The following PCDH15 variants were observed in gnomAD, a reference collection of about 807,000 sequenced individuals.
PCDH15 encodes protocadherin-15.
Under a neutral mutation model 178.5 loss-of-function variants are expected in PCDH15, and 129 were observed. The observed-to-expected ratio is 0.72, with a 90% CI of 0.63 to 0.84. The LOEUF is 0.84. PCDH15 is among the 40% of genes least tolerant of loss of function. The pLI is 0.00. For missense variants in PCDH15, 2,230 were observed against 2,099.9 expected, an observed-to-expected ratio of 1.06 and a Z score of -1.21; for synonymous variants, 800 against 732.0, an observed-to-expected ratio of 1.09 and a Z score of -1.50.
At chr10:55,618,428 TTAAA>T (rs1294361100) in intron 2 of PCDH15, among the ~76,000 whole-genome samples, 2 of 152,064 alleles carry the variant, frequency 1.3e-5, no homozygotes, top group East Asian at 1.9e-4. Flanking sequence ...GTACTGTTAC[TTAAA>T]TAAATATTCA....
At chr10:54,936,885 T>C (rs571969809) in intron 2 of PCDH15, among the ~76,000 whole-genome samples, 1 of 151,924 alleles carries the variant, frequency 6.6e-6, no homozygotes, top group Non-Finnish European at 1.5e-5. Flanking sequence ...CTTTTGTTGT[T>C]TGTGCTTTTT....
chr10:54,066,246 G>A (rs375982687), intron 18 of PCDH15, among the ~76,000 whole-genome samples: 35 of 152,240 alleles, frequency 2.3e-4, no homozygotes, highest in Non-Finnish European at 3.7e-4. Flanking sequence ...CACAGACACC[G>A]GCTAATATGT....
chr10:53,885,017 A>G (rs995201426), intron 26 of PCDH15, among the ~76,000 whole-genome samples: 99 of 152,258 alleles, frequency 6.5e-4, no homozygotes, highest in African/African-American at 2.3e-3. Context: ...TCGTTTTTCA[A>G]TATTTTATAG....
intron 2 of PCDH15, among the ~76,000 whole-genome samples, chr10:55,520,722 G>A (rs924767082): frequency 6.6e-6 from 1 of 151,560 alleles, no homozygotes; most frequent in Non-Finnish European, 1.5e-5. Context: ...ATTGCAAATA[G>A]AGTATTCTGT....
chr10:54,767,746 C>A (rs1948675020), intron 1 of PCDH15, among the ~76,000 whole-genome samples: 1 of 152,144 alleles, frequency 6.6e-6, no homozygotes, highest in Non-Finnish European at 1.5e-5. Flanking sequence ...CAAATCCCAA[C>A]ACATGGTATG....
At chr10:55,064,586 T>G (rs1029998365) in intron 2 of PCDH15, among the ~76,000 whole-genome samples, 3 of 146,676 alleles carry the variant, frequency 2.0e-5, no homozygotes, top group Non-Finnish European at 4.5e-5. Flanking sequence ...AAAATATAAC[T>G]TTTTTTTTCA....
chr10:55,613,308 G>A (rs78105716), intron 2 of PCDH15, among the ~76,000 whole-genome samples: 3,230 of 152,184 alleles, frequency 0.021, 123 homozygotes, highest in African/African-American at 0.074. Flanking sequence ...GCCGCCTTGT[G>A]ATCCAGGCTT....
intron 2 of PCDH15, among the ~76,000 whole-genome samples, chr10:55,066,849 A>G (rs539240507): frequency 6.5e-4 from 99 of 151,784 alleles, no homozygotes; most frequent in Non-Finnish European, 1.2e-3. Flanking sequence ...CTAATGTTCG[A>G]TAGCAGACTA....
intron 2 of PCDH15, among the ~76,000 whole-genome samples, chr10:55,105,575 T>A (rs978021113): frequency 6.6e-6 from 1 of 152,194 alleles, no homozygotes; most frequent in Non-Finnish European, 1.5e-5. Flanking sequence ...AGGAGGATCC[T>A]ATTCATCCTG....
intron 2 of PCDH15, among the ~76,000 whole-genome samples, chr10:55,557,879 G>C (rs1291604340): frequency 1.3e-5 from 2 of 151,998 alleles, no homozygotes; most frequent in Admixed American, 1.3e-4. Flanking sequence ...TAGTGGTCTG[G>C]GTATACAGAG....
chr10:53,937,937 C>T (rs1483582222), intron 25 of PCDH15, among the ~76,000 whole-genome samples: 2 of 152,104 alleles, frequency 1.3e-5, no homozygotes, highest in East Asian at 3.9e-4. Context: ...TCTCATTTCA[C>T]ACTCTGTCTG....
chr10:55,187,875 G>T (rs2132142089), intron 1 of PCDH15, among the ~76,000 whole-genome samples: 1 of 152,016 alleles, frequency 6.6e-6, no homozygotes, highest in Middle Eastern at 3.4e-3. Context: ...TTGAGAGCTG[G>T]AGAGTCACAT....
At chr10:54,805,384 T>G (rs1001049432), upstream of PCDH15, among the ~76,000 whole-genome samples, 2 of 152,158 alleles carry the variant, frequency 1.3e-5, no homozygotes, top group Non-Finnish European at 2.9e-5. Flanking sequence ...CTAGACGACT[T>G]ATTGTCAGCA....
intron 15 of PCDH15, among the ~76,000 whole-genome samples, chr10:54,123,395 A>G (rs1440038592): frequency 1.3e-5 from 2 of 152,182 alleles, no homozygotes; most frequent in Non-Finnish European, 2.9e-5. Flanking sequence ...AAAGGGATAC[A>G]AGTAGCCAAG....
intron 1 of PCDH15, among the ~76,000 whole-genome samples, chr10:55,182,989 C>A (rs1389000600): frequency 1.3e-5 from 2 of 151,924 alleles, no homozygotes; most frequent in East Asian, 1.9e-4. Flanking sequence ...TGTAGCACTA[C>A]CCTTGGTCAC....
In PCDH15 at chr10:54,219,507, G is replaced by A. The variant is rs137895702; in HGVS notation, c.986-5459C>T. Among the ~76,000 whole-genome samples, 1,388 of 148,610 alleles carry A rather than the reference G, an allele frequency of 9.3e-3. 20 individuals are homozygous for A. Among genetic ancestry groups the A allele is most frequent in the African/African-American group, 0.03 (1,198 of 40,018 alleles). ...ACTCGGGAGGCTGAGGCAGGAGAAT[G>A]GTGCGAACCTGGGAGGTGGAGCTTG... On this transcript the variant is annotated intron_variant, in intron 9 of 37. Coordinates refer to ENST00000644397, the MANE Select transcript of PCDH15 (RefSeq NM_001384140.1).
intron 3 of PCDH15, among the ~76,000 whole-genome samples, chr10:54,508,324 G>A (rs1445185029): frequency 6.6e-6 from 1 of 151,970 alleles, no homozygotes; most frequent in Non-Finnish European, 1.5e-5. Flanking sequence ...CAATGCTCTT[G>A]AAGTCAATAT....
At chr10:54,102,299 G>A (rs1241432151) in intron 15 of PCDH15, among the ~76,000 whole-genome samples, 1 of 152,260 alleles carries the variant, frequency 6.6e-6, no homozygotes, top group African/African-American at 2.4e-5. Context: ...ATGTGCTGCA[G>A]TGGCTGAGAA....
At chr10:54,280,596 T>G (rs946899195) in intron 8 of PCDH15, among the ~76,000 whole-genome samples, 1 of 151,872 alleles carries the variant, frequency 6.6e-6, no homozygotes, top group African/African-American at 2.4e-5. Flanking sequence ...TAATTATCAG[T>G]GCCTATATAT....
Sources: gnomAD v4.1 joint callset for allele counts (sites outside exome capture counted in the v4.1 genomes callset) on GRCh38, gnomAD v4.1.1 for gene constraint, MANE v1.5 for transcripts, NCBI Gene and HGNC (gene_info 2026-07-23, HGNC 2026-07-21) for gene names.